The following ABLIM2 variants were observed in gnomAD, a reference collection of about 807,000 sequenced individuals.
ABLIM2 encodes actin binding LIM protein family member 2.
In ABLIM2, 53 loss-of-function variants were observed where a neutral mutation model predicts 97.7. The observed-to-expected ratio is 0.54, with a 90% confidence interval of 0.44 to 0.68. The LOEUF is 0.68. Ranked by LOEUF, ABLIM2 falls within the 30% of genes least tolerant of loss-of-function variation. The probability of loss-of-function intolerance (pLI) is 0.00; values close to 1 mark genes in which losing one functional copy is unlikely to be tolerated. For synonymous variants in ABLIM2, 361 were observed against 345.8 expected (o/e 1.04, Z -0.49); for missense variants, 835 against 867.2 (o/e 0.96, Z 0.47).
At chr4:8,020,494 A>G in intron 12 of ABLIM2, 191 bp from the exon 13 acceptor site, 1 of 672,742 alleles carries the variant, frequency 1.5e-6, no homozygotes, top group Non-Finnish European at 2.7e-6. Context: ...GGACTTGCTA[A>G]TCCAACCCTG....
In ABLIM2 at chr4:8,015,239, G is replaced by A. The variant is rs1768081239; in HGVS notation, c.1423+4379C>T. Reference sequence around the variant, plus strand: ...CCCGGCTTGTCTTCCACCTTTCTAGGACAGCCTCTCTGCATTCACTGCACT... The same window carrying A: ...CCCGGCTTGTCTTCCACCTTTCTAGAACAGCCTCTCTGCATTCACTGCACT... On this transcript the variant is annotated intron_variant, in intron 14 of 20. Transcript: ENST00000447017. This position sits in a 1 kb window ranked among gnomAD's most constrained non-coding sequence, Gnocchi z 4.6. 1.3e-5 allele frequency among the ~76,000 whole-genome samples: 2 copies of A among 152,032 alleles called. No individual in the cohort carries two copies. Among genetic ancestry groups the A allele is most frequent in the Admixed American group, 1.3e-4 (2 of 15,268 alleles).
chr4:8,092,165 T>G (rs1829181971), intron 3 of ABLIM2, among the ~76,000 whole-genome samples: 1 of 151,334 alleles, frequency 6.6e-6, no homozygotes, highest in Admixed American at 6.6e-5. Context: ...ACCTGGCTAA[T>G]TTTTATATTT....
chr4:8,026,527 C>T (rs140914126), intron 12 of ABLIM2, among the ~76,000 whole-genome samples: 1 of 152,380 alleles, frequency 6.6e-6, no homozygotes, highest in Non-Finnish European at 1.5e-5. Flanking sequence ...GCCCCACCTT[C>T]TCGCTGCCTG....
chr4:8,158,644 C>A (rs1716220248), intron 1 of ABLIM2, 36 bp downstream of exon 1: 1 of 1,505,312 alleles, frequency 6.6e-7, no homozygotes, highest in African/African-American at 1.4e-5. Context: ...CGAGCCAGCG[C>A]GGGGACCCGT....
chr4:8,057,789 G>A (rs910224486), intron 7 of ABLIM2, among the ~76,000 whole-genome samples: 1 of 152,214 alleles, frequency 6.6e-6, no homozygotes, highest in Non-Finnish European at 1.5e-5. Flanking sequence ...GGGGGTCGCT[G>A]GGGCCCATGC....
In ABLIM2 at chr4:8,132,155, C is replaced by G. The variant is rs1242897553; in HGVS notation, c.11-25518G>C. On this transcript the variant is annotated intron_variant, in intron 1 of 20. Transcript: ENST00000447017. This position sits in a 1 kb window ranked among gnomAD's most constrained non-coding sequence, Gnocchi z 8.0. ...AGGAACGACCTGGTTGGAAAGGAAA[C>G]AGCGTACATGGTCCCACGAGGCTGC... 2.0e-5 allele frequency among the ~76,000 whole-genome samples: 3 copies of G among 152,084 alleles called. No individual in the cohort carries two copies. In the East Asian group the frequency reaches 5.8e-4, roughly 30 times the overall value.
At chr4:8,104,241 C>A (rs570879491) in intron 2 of ABLIM2, among the ~76,000 whole-genome samples, 54 of 152,332 alleles carry the variant, frequency 3.5e-4, no homozygotes, top group African/African-American at 1.2e-3. Flanking sequence ...ACCCACAGCT[C>A]GTGCACTCAC....
Position 8,109,099 on chromosome 4 carries a change from C to A in ABLIM2, c.11-2462G>T, listed in dbSNP as rs544307210. On this transcript the variant is annotated intron_variant, in intron 1 of 20. Coordinates refer to ENST00000447017, the MANE Select transcript of ABLIM2 (RefSeq NM_001130083.2). ...CATCCCGTGGAAGGAAGGGAGGCCG[C>A]GGCACTGGCCCCCCACCGCCTGTCC... Among the ~76,000 whole-genome samples, 5 of 152,364 alleles carry A rather than the reference C, an allele frequency of 3.3e-5. No individual in the cohort carries two copies. The South Asian group carries it at 1.0e-3, about 32-fold the overall frequency.
In ABLIM2 at chr4:8,001,328, T is replaced by G. The variant is rs1168219751; in HGVS notation, c.1618+6731A>C. Among the ~76,000 whole-genome samples, 2 of 152,082 alleles carry G rather than the reference T, an allele frequency of 1.3e-5. No homozygotes were observed. The highest frequency in any genetic ancestry group is 2.9e-5 in the Non-Finnish European group (2 of 67,984). On this transcript the variant is annotated intron_variant, in intron 16 of 20. Coordinates refer to ENST00000447017, the MANE Select transcript of ABLIM2 (RefSeq NM_001130083.2). The surrounding 1 kb of genome is among the most constrained non-coding windows in gnomAD (Gnocchi z 4.2). ...GGGCCTGTGCTGCTACCCGCAGAAC[T>G]GGGAGGCCACACCCTGTTCAGTCCC...
chr4:8,099,758 T>TTTCTTACA (rs1833561689), intron 2 of ABLIM2, among the ~76,000 whole-genome samples: 1 of 152,076 alleles, frequency 6.6e-6, no homozygotes, highest in South Asian at 2.1e-4. Flanking sequence ...GGCAGGAGGA[T>TTTCTTACA]GGCATGAACC....
At chr4:7,980,938 C>CTTTTTTTTTTTTTTTTTTTTTTTTTT (rs1255215577) in intron 20 of ABLIM2, among the ~76,000 whole-genome samples, 1 of 38,496 alleles carries the variant, frequency 2.6e-5, no homozygotes, top group Non-Finnish European at 5.4e-5. Flanking sequence ...TCCACAACCC[C>CTTTTTTTTTTTTTTTTTTTTTTTTTT]TTATTTTTTT....
chr4:8,026,040 C>G (rs1304667447), intron 12 of ABLIM2, among the ~76,000 whole-genome samples: 1 of 152,206 alleles, frequency 6.6e-6, no homozygotes, highest in East Asian at 1.9e-4. Context: ...CAGGGTCTTA[C>G]TCTGTTGTCC....
At chr4:7,977,046 C>T (rs1262328656) in intron 20 of ABLIM2, among the ~76,000 whole-genome samples, 1 of 152,200 alleles carries the variant, frequency 6.6e-6, no homozygotes, top group Non-Finnish European at 1.5e-5. Context: ...ATAATCCCCA[C>T]ATGTGGAGGG....
rs545870449 is a variant in ABLIM2, at chr4:8,054,033, T to C, written c.822+155A>G. Reference sequence around the variant, plus strand: ...ATTATTGCTCACCAGTCTACTTGTTTACCCTCCCCACCTCCTAAGCCTGGC... The same window carrying C: ...ATTATTGCTCACCAGTCTACTTGTTCACCCTCCCCACCTCCTAAGCCTGGC... On this transcript the variant is annotated intron_variant, in intron 8 of 20. Transcript: ENST00000447017. This position sits in a 1 kb window ranked among gnomAD's most constrained non-coding sequence, Gnocchi z 4.9. 6.6e-6 allele frequency among the ~76,000 whole-genome samples: 1 copy of C among 152,356 alleles called. No individual in the cohort carries two copies. The highest frequency in any genetic ancestry group is 2.4e-5 in the African/African-American group (1 of 41,588).
At chr4:8,136,342 T>C (rs1455136292) in intron 1 of ABLIM2, among the ~76,000 whole-genome samples, 1 of 152,190 alleles carries the variant, frequency 6.6e-6, no homozygotes, top group Admixed American at 6.5e-5. Flanking sequence ...GAGGGTCCTG[T>C]GGATGGATGG....
At chr4:8,036,096 A>G in intron 10 of ABLIM2, 53 bp downstream of exon 10, 1 of 1,598,312 alleles carries the variant, frequency 6.3e-7, no homozygotes, top group African/African-American at 1.3e-5. Flanking sequence ...CCTGTCCTGC[A>G]GGGCAGCACT....
chr4:7,984,443 G>A (rs1243904241), intron 18 of ABLIM2, among the ~76,000 whole-genome samples: 1 of 152,224 alleles, frequency 6.6e-6, no homozygotes, highest in East Asian at 1.9e-4. Flanking sequence ...TAGTAGCCCT[G>A]CTGAACCCGG....
intron 1 of ABLIM2, among the ~76,000 whole-genome samples, chr4:8,152,194 A>C (rs141311624): frequency 5.8e-4 from 89 of 152,314 alleles, no homozygotes; most frequent in Middle Eastern, 3.4e-3. Context: ...ATGAGGCAGC[A>C]ACCAATCCCC....
intron 16 of ABLIM2, among the ~76,000 whole-genome samples, chr4:8,000,415 A>G (rs1431902604): frequency 6.6e-6 from 1 of 152,128 alleles, no homozygotes; most frequent in African/African-American, 2.4e-5. Context: ...GGGAACTTCA[A>G]ACTCAGAGAG....
Sources: allele counts gnomAD v4.1 joint callset (sites outside exome capture counted in the v4.1 genomes callset), GRCh38; gene constraint gnomAD v4.1.1; non-coding constraint Gnocchi (gnomAD v3.1); transcripts MANE v1.5; gene names NCBI Gene and HGNC (gene_info 2026-07-23, HGNC 2026-07-21).